The following ERC1 variants were observed in gnomAD, a reference collection of about 807,000 sequenced individuals.
ERC1 encodes the protein ELKS/RAB6-interacting/CAST family member 1, also known as RAB6 interacting protein 2.
A neutral mutation model predicts 132.0 loss-of-function variants in ERC1; 56 were observed. The ratio of observed to expected loss-of-function variants is 0.42; its 90% CI spans 0.34 to 0.53. ERC1 has a LOEUF of 0.53. Ranked by LOEUF, ERC1 falls within the 20% of genes least tolerant of loss-of-function variation. The probability of loss-of-function intolerance (pLI) is 0.03; values close to 1 mark genes in which losing one functional copy is unlikely to be tolerated. For missense variants in ERC1, 1,202 were observed against 1,349.9 expected, an observed-to-expected ratio of 0.89 and a Z score of 1.72; for synonymous variants, 478 against 476.1, an observed-to-expected ratio of 1.00 and a Z score of -0.05.
chr12:1,218,337 AT>A (rs1488916338), intron 12 of ERC1, among the ~76,000 whole-genome samples: 6 of 151,684 alleles, frequency 4.0e-5, no homozygotes, highest in African/African-American at 1.5e-4. Flanking sequence ...CTCCTTTCAA[AT>A]TTTTGCTTTC....
At chr12:1,201,566 A>G (rs7962440) in intron 12 of ERC1, among the ~76,000 whole-genome samples, 54,155 of 152,016 alleles carry the variant, frequency 0.36, 10,756 homozygotes, top group African/African-American at 0.53. Flanking sequence ...TTTCTTTTGG[A>G]CCATCTCCTT....
intron 1 of ERC1, chr12:991,527 G>C (rs1297810683): frequency 6.6e-6 from 1 of 152,312 alleles, no homozygotes; most frequent in African/African-American, 2.4e-5. Context: ...CGGCAGCCCG[G>C]GGGGTGGGGA....
chr12:1,076,837 CAG>C (rs1941431675), intron 2 of ERC1, among the ~76,000 whole-genome samples: 1 of 151,990 alleles, frequency 6.6e-6, no homozygotes, highest in African/African-American at 2.4e-5. Flanking sequence ...AAATTTATGA[CAG>C]GGTAAAAAGA....
At chr12:1,161,210 A>ATGGTATAC (rs1224098420) in intron 8 of ERC1, among the ~76,000 whole-genome samples, 1 of 152,096 alleles carries the variant, frequency 6.6e-6, no homozygotes, top group East Asian at 1.9e-4. Context: ...TATGATACGA[A>ATGGTATAC]TGGTATACGG....
At chr12:1,263,295 G>C in intron 14 of ERC1, 130 bp downstream of exon 14, 1,123 of 703,948 alleles carry the variant, frequency 1.6e-3, no homozygotes, top group Non-Finnish European at 2.2e-3. Context: ...TAGAGGAGAA[G>C]TCCCAAGGAG....
chr12:1,339,921 G>A lies in ERC1; in HGVS notation c.2781-31912G>A, dbSNP rs563117767. 3.9e-4 allele frequency among the ~76,000 whole-genome samples: 59 copies of A among 152,296 alleles called. No individual in the cohort carries two copies. The South Asian group carries it at 4.1e-3, about 11-fold the overall frequency. ...CGGTCCAGCAGAAGGGGAACAGGTGGTAGGGTGCACACACACATGCACACT... is the reference window on the plus strand; with the variant it reads ...CGGTCCAGCAGAAGGGGAACAGGTGATAGGGTGCACACACACATGCACACT... On this transcript the variant is annotated intron_variant, in intron 15 of 18. Transcript: ENST00000360905.
At chr12:1,104,875 T>C (rs1449781447) in intron 4 of ERC1, 51 bp downstream of exon 4, 1 of 1,295,716 alleles carries the variant, frequency 7.7e-7, no homozygotes, top group Non-Finnish European at 1.1e-6. Context: ...TACTTTTAAG[T>C]GATCAAAAAC....
chr12:1,392,708 T>A (rs554911952), intron 16 of ERC1, among the ~76,000 whole-genome samples: 25 of 152,242 alleles, frequency 1.6e-4, no homozygotes, highest in Non-Finnish European at 3.4e-4. Context: ...AAATTATAAG[T>A]GGAAATATTT....
intron 1 of ERC1, among the ~76,000 whole-genome samples, chr12:1,016,461 C>T (rs891581510): frequency 1.3e-5 from 2 of 151,928 alleles, no homozygotes; most frequent in African/African-American, 2.4e-5. Context: ...ATGTTATGCT[C>T]GTAGCTATTT....
chr12:1,341,815 A>T (rs964525912), intron 15 of ERC1, among the ~76,000 whole-genome samples: 2 of 152,202 alleles, frequency 1.3e-5, no homozygotes, highest in African/African-American at 4.8e-5. Flanking sequence ...TATAATTTTT[A>T]AAAAAAGAAA....
intron 15 of ERC1, among the ~76,000 whole-genome samples, chr12:1,361,584 T>G (rs74057178): frequency 0.025 from 3,775 of 152,282 alleles, 170 homozygotes; most frequent in African/African-American, 0.087. Flanking sequence ...TCTTGAGCAC[T>G]AAAACTAAGA....
intron 7 of ERC1, among the ~76,000 whole-genome samples, chr12:1,122,578 TCTC>T (rs1947631657): frequency 2.1e-5 from 3 of 141,218 alleles, no homozygotes; most frequent in Non-Finnish European, 4.6e-5. Flanking sequence ...TGTGTCTCTA[TCTC>T]TATCTCTATC....
In ERC1 at chr12:1,400,911, TTTGTA is replaced by T. The variant is rs1467653115; in HGVS notation, c.2926-7235_2926-7231del. 1.4e-3 allele frequency among the ~76,000 whole-genome samples: 103 copies of T among 73,558 alleles called. 16 individuals are homozygous for T. The highest frequency in any genetic ancestry group is 4.7e-3 in the South Asian group (12 of 2,554). 48.3% of individuals were successfully genotyped at this position (73,558 alleles called of 152,430 possible). A position where few individuals can be genotyped will look rare whatever the true frequency, so the allele number is the denominator to read the frequency against. On this transcript the variant is annotated intron_variant, in intron 16 of 18. Coordinates refer to ENST00000360905, the MANE Select transcript of ERC1 (RefSeq NM_178040.4). ...CTCATTCAATATTGTTTTGGCTATT[TTTGTA>T]TTTTTTTTTTTTTTTTTTTTTTTTT...
intron 1 of ERC1, among the ~76,000 whole-genome samples, chr12:1,005,904 T>C (rs1963475545): frequency 6.6e-6 from 1 of 151,954 alleles, no homozygotes; most frequent in South Asian, 2.1e-4. Flanking sequence ...ATTAAAATTC[T>C]TATTATTATT....
chr12:1,457,260 G>A (rs1483079725), intron 18 of ERC1, among the ~76,000 whole-genome samples: 1 of 152,172 alleles, frequency 6.6e-6, no homozygotes, highest in African/African-American at 2.4e-5. Context: ...GCATTTCTCA[G>A]AATGTATCCC....
At chr12:1,092,758 C>T (rs564803444) in intron 3 of ERC1, among the ~76,000 whole-genome samples, 205 of 152,246 alleles carry the variant, frequency 1.3e-3, no homozygotes, top group African/African-American at 4.8e-3. Flanking sequence ...GCCAGGAGTT[C>T]GAGACCAGCC....
At chr12:1,060,680 A>C (rs1271966257) in intron 2 of ERC1, among the ~76,000 whole-genome samples, 1 of 151,948 alleles carries the variant, frequency 6.6e-6, no homozygotes, top group Non-Finnish European at 1.5e-5. Flanking sequence ...GACTGGCCCC[A>C]TGATTCAGTT....
chr12:1,264,277 G>A (rs2077333719), intron 14 of ERC1, among the ~76,000 whole-genome samples: 1 of 152,136 alleles, frequency 6.6e-6, no homozygotes, highest in African/African-American at 2.4e-5. Context: ...TCATTAGGAA[G>A]AATAACTACA....
At chr12:1,303,633 C>T (rs2080592861) in intron 15 of ERC1, among the ~76,000 whole-genome samples, 1 of 147,124 alleles carries the variant, frequency 6.8e-6, no homozygotes, top group African/African-American at 2.5e-5. Context: ...AGCAAGAGTC[C>T]ATCTCAAAAA....
Sources: gnomAD v4.1 joint callset for allele counts (sites outside exome capture counted in the v4.1 genomes callset) on GRCh38, gnomAD v4.1.1 for gene constraint, MANE v1.5 for transcripts, NCBI Gene and HGNC (gene_info 2026-07-23, HGNC 2026-07-21) for gene names.